Variants in AFG2A observed in about 807,000 individuals in gnomAD.
The protein encoded by AFG2A is AAA ATPase AFG2A, also known as ATPase family gene 2 protein homolog A.
the AFG2A span, among the ~76,000 whole-genome samples, chr4:123,247,972 C>T: frequency 2.0e-5 from 3 of 151,958 alleles, no homozygotes; most frequent in African/African-American, 4.8e-5. Context: ...AAGCTTGCTG[C>T]AGTTAGTTGT....
At chr4:123,013,558 G>C in the AFG2A span, among the ~76,000 whole-genome samples, 2 of 152,290 alleles carry the variant, frequency 1.3e-5, no homozygotes, top group East Asian at 3.9e-4. Context: ...AGAACACATG[G>C]ACACAGGGAG....
the AFG2A span, among the ~76,000 whole-genome samples, chr4:123,222,228 A>G: frequency 6.6e-6 from 1 of 152,226 alleles, no homozygotes; most frequent in African/African-American, 2.4e-5. Flanking sequence ...AAAATAATTT[A>G]GAACACTATG....
At chr4:123,038,448 A>G in the AFG2A span, among the ~76,000 whole-genome samples, 1 of 152,140 alleles carries the variant, frequency 6.6e-6, no homozygotes, top group African/African-American at 2.4e-5. Flanking sequence ...TGTTAGTAGT[A>G]AAGTGTAATA....
chr4:123,238,769 G>T, the AFG2A span, among the ~76,000 whole-genome samples: 3,648 of 152,174 alleles, frequency 0.024, 74 homozygotes, highest in African/African-American at 0.056. Context: ...AAACCAGAGC[G>T]CCTCTTCTCC....
the AFG2A span, among the ~76,000 whole-genome samples, chr4:123,094,335 C>A: frequency 2.0e-5 from 3 of 152,106 alleles, no homozygotes; most frequent in African/African-American, 7.2e-5. Context: ...CCCTATTTCC[C>A]ATCATGGCTT....
chr4:123,318,652 T>A, the AFG2A span: 3 of 151,796 alleles, frequency 2.0e-5, no homozygotes, highest in Non-Finnish European at 2.9e-5. Context: ...CTGGGCATGG[T>A]GGCACACACC....
chr4:123,250,615 A>C, the AFG2A span, among the ~76,000 whole-genome samples: 1 of 152,200 alleles, frequency 6.6e-6, no homozygotes. Flanking sequence ...AGCCGCCTTC[A>C]TTTTCACACA....
the AFG2A span, chr4:122,938,181 G>T: frequency 6.2e-7 from 1 of 1,609,678 alleles, no homozygotes; most frequent in Non-Finnish European, 8.5e-7. Flanking sequence ...GAAAAGAGAG[G>T]GGGCCCAGAA....
chr4:123,005,641 T>G, the AFG2A span, among the ~76,000 whole-genome samples: 5 of 152,262 alleles, frequency 3.3e-5, no homozygotes, highest in Non-Finnish European at 5.9e-5. Context: ...TAAACATTCA[T>G]TAAGCACTGC....
the AFG2A span, among the ~76,000 whole-genome samples, chr4:123,003,619 G>C: frequency 6.6e-6 from 1 of 152,210 alleles, no homozygotes; most frequent in South Asian, 2.1e-4. Flanking sequence ...GCAGAACCGT[G>C]CATTTTCATG....
At chr4:123,018,694 C>A in the AFG2A span, among the ~76,000 whole-genome samples, 1 of 151,712 alleles carries the variant, frequency 6.6e-6, no homozygotes, top group African/African-American at 2.4e-5. Context: ...AGTGTAGTGG[C>A]ATGCTCTTGG....
chr4:123,171,384 T>G, the AFG2A span, among the ~76,000 whole-genome samples: 1 of 151,924 alleles, frequency 6.6e-6, no homozygotes, highest in Non-Finnish European at 1.5e-5. Context: ...CAAAAGCAGA[T>G]AAGGTAAAAG....
At chr4:123,117,905 T>C in the AFG2A span, among the ~76,000 whole-genome samples, 3 of 151,810 alleles carry the variant, frequency 2.0e-5, no homozygotes, top group African/African-American at 7.3e-5. Context: ...GCAACTAATA[T>C]AGAGAAAAAT....
At chr4:123,301,164 C>CAT in the AFG2A span, among the ~76,000 whole-genome samples, 3 of 152,102 alleles carry the variant, frequency 2.0e-5, no homozygotes, top group Non-Finnish European at 2.9e-5. Context: ...AATATGTATA[C>CAT]ATGGGTGTAT....
the AFG2A span, among the ~76,000 whole-genome samples, chr4:123,303,325 A>C: frequency 6.6e-6 from 1 of 152,174 alleles, no homozygotes; most frequent in Non-Finnish European, 1.5e-5. Context: ...GTTCAAGACC[A>C]GCCTGGGCAA....
At chr4:123,182,683 A>C in the AFG2A span, among the ~76,000 whole-genome samples, 4 of 152,246 alleles carry the variant, frequency 2.6e-5, no homozygotes, top group Non-Finnish European at 4.4e-5. Flanking sequence ...AAGAATAAAA[A>C]GAAAAATATT....
the AFG2A span, among the ~76,000 whole-genome samples, chr4:123,002,450 G>T: frequency 1.8e-4 from 27 of 152,232 alleles, no homozygotes; most frequent in Non-Finnish European, 3.2e-4. Flanking sequence ...TACCGGTTGT[G>T]CCTTTCCATG....
chr4:123,035,377 A>T, the AFG2A span, among the ~76,000 whole-genome samples: 1 of 151,338 alleles, frequency 6.6e-6, no homozygotes, highest in South Asian at 2.1e-4. Context: ...GTTTTTTTTT[A>T]ACTTTAAAAA....
At chr4:123,219,015 C>A in the AFG2A span, among the ~76,000 whole-genome samples, 4 of 152,200 alleles carry the variant, frequency 2.6e-5, no homozygotes, top group African/African-American at 9.7e-5. Flanking sequence ...TTAGGGAGCA[C>A]TGGCTCATGT....
Sources: allele counts gnomAD v4.1 joint callset (sites outside exome capture counted in the v4.1 genomes callset), GRCh38; gene constraint gnomAD v4.1.1; transcripts MANE v1.5; gene names NCBI Gene and HGNC (gene_info 2026-07-23, HGNC 2026-07-21).